The following MLLT3 variants were observed in gnomAD, a reference collection of about 807,000 sequenced individuals.
MLLT3 encodes MLLT3 super elongation complex subunit.
MLLT3 carries 4 observed loss-of-function variants against 53.2 expected under a neutral mutation model. The ratio of observed to expected loss-of-function variants is 0.08; its 90% confidence interval spans 0.04 to 0.17. The LOEUF (loss-of-function observed/expected upper bound fraction) is 0.17, where lower values mean the gene tolerates loss of function less well. Among genes scored for constraint, MLLT3 ranks in the 10% least tolerant of loss-of-function variants. MLLT3 has a pLI of 1.00. For synonymous variants in MLLT3, 283 were observed against 230.6 expected (o/e 1.23, Z -2.06); for missense variants, 569 against 684.0 (o/e 0.83, Z 1.87).
rs78580744 is a variant in MLLT3, at chr9:20,580,049, C to T, written c.193+40605G>A. Among the ~76,000 whole-genome samples the T allele has an allele frequency of 8.7e-3, 1,321 of 152,270 alleles. 17 individuals are homozygous for T. The highest frequency in any genetic ancestry group is 0.03 in the African/African-American group (1,254 of 41,552). Reference sequence around the variant, plus strand: ...GCCCATTAAATAAAGAAAGCCATAGCTTCTTACCACCTTAGCAAGACCCAA... The same window carrying T: ...GCCCATTAAATAAAGAAAGCCATAGTTTCTTACCACCTTAGCAAGACCCAA... On this transcript the variant is annotated intron_variant, in intron 2 of 10. Coordinates refer to ENST00000380338, the MANE Select transcript of MLLT3 (RefSeq NM_004529.4).
At chr9:20,597,333 A>T (rs1159445803) in intron 2 of MLLT3, among the ~76,000 whole-genome samples, 1 of 151,750 alleles carries the variant, frequency 6.6e-6, no homozygotes, top group Non-Finnish European at 1.5e-5. Flanking sequence ...ATTTAATACC[A>T]CTTATGTGCA....
chr9:20,514,070 G>T (rs1817837283), intron 2 of MLLT3, among the ~76,000 whole-genome samples: 2 of 152,010 alleles, frequency 1.3e-5, no homozygotes, highest in Admixed American at 1.3e-4. Context: ...AGGGAGTAAG[G>T]GGTTGACTGA....
rs79189955 is a variant in MLLT3 at position 20,382,739 on chromosome 9, G to C, written c.1126-16995C>G. 6.5e-3 allele frequency among the ~76,000 whole-genome samples: 989 copies of C among 151,996 alleles called. 7 individuals carry two copies. The highest frequency in any genetic ancestry group is 0.021 in the African/African-American group (869 of 41,534). ...CTTAACTACCTCTCTTAGTATAACAGGATCTTAAATCACACTGATTTAGAA... is the reference window on the plus strand; with the variant it reads ...CTTAACTACCTCTCTTAGTATAACACGATCTTAAATCACACTGATTTAGAA... On this transcript the variant is annotated intron_variant, in intron 5 of 10. Coordinates refer to ENST00000380338, the MANE Select transcript of MLLT3 (RefSeq NM_004529.4).
chr9:20,560,173 G>A (rs1819165788), intron 2 of MLLT3, among the ~76,000 whole-genome samples: 1 of 151,832 alleles, frequency 6.6e-6, no homozygotes, highest in Admixed American at 6.6e-5. Flanking sequence ...TATAAGCCTG[G>A]GAAATAGCAA....
At chr9:20,349,902 G>A (rs1239785034) in intron 10 of MLLT3, among the ~76,000 whole-genome samples, 2 of 152,234 alleles carry the variant, frequency 1.3e-5, no homozygotes, top group Admixed American at 6.5e-5. Flanking sequence ...CAAGGTAGAT[G>A]CAGAGAAACA....
At chr9:20,361,691 G>A (rs1021333653) in intron 7 of MLLT3, among the ~76,000 whole-genome samples, 2 of 152,092 alleles carry the variant, frequency 1.3e-5, no homozygotes, top group African/African-American at 4.8e-5. Context: ...CTTTTCAGAA[G>A]AAAATGGAAT....
At chr9:20,499,257 A>G (rs952094002) in intron 2 of MLLT3, among the ~76,000 whole-genome samples, 48 of 152,160 alleles carry the variant, frequency 3.2e-4, no homozygotes, top group African/African-American at 1.1e-3. Flanking sequence ...TACAAAAGAC[A>G]CTATTTCCAA....
At chr9:20,611,498 C>G (rs747489379) in intron 2 of MLLT3, among the ~76,000 whole-genome samples, 1 of 151,900 alleles carries the variant, frequency 6.6e-6, no homozygotes, top group Non-Finnish European at 1.5e-5. Flanking sequence ...GAAAAAAAAT[C>G]TAGTTTTGAC....
At chr9:20,347,258 T>C (rs957232825) in intron 10 of MLLT3, among the ~76,000 whole-genome samples, 5 of 152,172 alleles carry the variant, frequency 3.3e-5, no homozygotes, top group African/African-American at 1.2e-4. Context: ...CCTGAATGCT[T>C]TGTTATACTT....
intron 5 of MLLT3, among the ~76,000 whole-genome samples, chr9:20,388,891 C>T (rs572578137): frequency 6.6e-6 from 1 of 152,134 alleles, no homozygotes; most frequent in South Asian, 2.1e-4. Context: ...CAACCATCTC[C>T]CTCAACATAT....
intron 2 of MLLT3, among the ~76,000 whole-genome samples, chr9:20,575,454 GC>G (rs1819629821): frequency 6.6e-6 from 1 of 152,100 alleles, no homozygotes; most frequent in South Asian, 2.1e-4. Flanking sequence ...TAAGGTTTGT[GC>G]AAAATTTTTA....
rs193192232 is a variant in MLLT3 at position 20,353,420 on chromosome 9, C to T, written c.1575+105G>A. The stretch of plus-strand genomic sequence containing the variant: ...ATCTACAGGTGGCATTCGCCAGGTT[C>T]TGATAGCGTGGGGCTGCAGTGGCCT... On this transcript the variant is annotated intron_variant, in intron 10 of 10. Coordinates refer to ENST00000380338, the MANE Select transcript of MLLT3 (RefSeq NM_004529.4). 2.0e-5 allele frequency: 19 copies of T among 933,506 alleles called. No homozygotes were observed. In the East Asian group the frequency reaches 2.6e-4, roughly 13 times the overall value. 57.8% of individuals were successfully genotyped at this position (933,506 alleles called of 1,614,324 possible). A position where few individuals can be genotyped will look rare whatever the true frequency, so the allele number is the denominator to read the frequency against.
intron 2 of MLLT3, among the ~76,000 whole-genome samples, chr9:20,547,806 G>C (rs113488075): frequency 1.1e-3 from 163 of 152,182 alleles, no homozygotes; most frequent in African/African-American, 3.8e-3. Flanking sequence ...AACAATATTA[G>C]CCAAGTGTGG....
At chr9:20,533,276 T>C in intron 2 of MLLT3, 1 of 324,544 alleles carries the variant, frequency 3.1e-6, no homozygotes, top group Non-Finnish European at 6.2e-6. Flanking sequence ...GTCCCTAGAC[T>C]GTGGCTCACA....
chr9:20,380,385 G>T (rs1821878020), intron 5 of MLLT3: 1 of 151,902 alleles, frequency 6.6e-6, no homozygotes, highest in Non-Finnish European at 1.5e-5. Flanking sequence ...GATGGTTAGG[G>T]ATCGTTTCTG....
At chr9:20,618,243 T>C (rs373965858) in intron 2 of MLLT3, among the ~76,000 whole-genome samples, 6 of 152,222 alleles carry the variant, frequency 3.9e-5, no homozygotes, top group South Asian at 2.1e-4. Flanking sequence ...ATCTACAATA[T>C]AGCTAACATA....
chr9:20,375,981 A>G (rs1821755492), intron 5 of MLLT3, among the ~76,000 whole-genome samples: 2 of 152,188 alleles, frequency 1.3e-5, no homozygotes, highest in Admixed American at 1.3e-4. Context: ...GACTGGCATT[A>G]ATAGGACCAA....
chr9:20,619,730 A>C (rs940043097), intron 2 of MLLT3, among the ~76,000 whole-genome samples: 1 of 152,216 alleles, frequency 6.6e-6, no homozygotes, highest in Non-Finnish European at 1.5e-5. Context: ...GTATTTCTCA[A>C]ACCCTCTTTA....
At chr9:20,567,212 A>C (rs1384899487) in intron 2 of MLLT3, among the ~76,000 whole-genome samples, 3 of 151,120 alleles carry the variant, frequency 2.0e-5, no homozygotes, top group African/African-American at 7.3e-5. Context: ...GGCTGAAAAA[A>C]TTAAAATTAG....
Sources: gnomAD v4.1 joint callset for allele counts (sites outside exome capture counted in the v4.1 genomes callset) on GRCh38, gnomAD v4.1.1 for gene constraint, MANE v1.5 for transcripts, NCBI Gene and HGNC (gene_info 2026-07-23, HGNC 2026-07-21) for gene names.